RP1: variants seen among roughly 807,000 people sequenced by gnomAD.
RP1 encodes RP1 axonemal microtubule associated.
Under a neutral mutation model 14.8 loss-of-function variants are expected in RP1, and 16 were observed. That is an observed-to-expected ratio of 1.08 (90% CI 0.73 to 1.65). The LOEUF (loss-of-function observed/expected upper bound fraction) is 1.65, where lower values mean the gene tolerates loss of function less well. Ranked by LOEUF, RP1 falls within the 40% of genes most tolerant of loss-of-function variation. RP1 has a pLI of 0.00. For missense variants in RP1, 2,631 were observed against 2,535.0 expected, an observed-to-expected ratio of 1.04 and a Z score of -0.81; for synonymous variants, 876 against 883.6, an observed-to-expected ratio of 0.99 and a Z score of 0.15.
intron 12 of RP1, among the ~76,000 whole-genome samples, chr8:54,689,611 C>T (rs942912556): frequency 2.6e-5 from 4 of 152,100 alleles, no homozygotes; most frequent in Non-Finnish European, 5.9e-5. Flanking sequence ...GAGTCTCAGA[C>T]TCACTACACT....
upstream of RP1, among the ~76,000 whole-genome samples, chr8:54,612,407 T>C (rs1461710142): frequency 6.6e-6 from 1 of 152,214 alleles, no homozygotes; most frequent in Non-Finnish European, 1.5e-5. Flanking sequence ...CACTAATGGC[T>C]GAAATAAATG....
At chr8:54,757,685 C>A (rs915014847) in intron 21 of RP1, among the ~76,000 whole-genome samples, 1 of 152,224 alleles carries the variant, frequency 6.6e-6, no homozygotes, top group Non-Finnish European at 1.5e-5. Context: ...AAGCTATAAG[C>A]ACACTGAAAC....
At chr8:54,722,363 C>T (rs1479813954) in intron 16 of RP1, among the ~76,000 whole-genome samples, 1 of 151,646 alleles carries the variant, frequency 6.6e-6, no homozygotes, top group East Asian at 1.9e-4. Flanking sequence ...CTCCACCTCC[C>T]GGGTTCACGC....
chr8:54,585,881 T>C (rs1216964407), intron 1 of RP1, among the ~76,000 whole-genome samples: 6 of 152,232 alleles, frequency 3.9e-5, no homozygotes, highest in African/African-American at 1.4e-4. Flanking sequence ...CATTGGTTAT[T>C]CTAGTTAGCC....
At chr8:54,835,223 G>A (rs961043770) in intron 24 of RP1, among the ~76,000 whole-genome samples, 7 of 152,106 alleles carry the variant, frequency 4.6e-5, no homozygotes, top group Admixed American at 2.0e-4. Flanking sequence ...AAGTGACTCA[G>A]GTTGATGTAT....
chr8:54,818,937 T>C (rs1156825680), intron 24 of RP1, among the ~76,000 whole-genome samples: 1 of 152,018 alleles, frequency 6.6e-6, no homozygotes, highest in East Asian at 1.9e-4. Flanking sequence ...TCAGAATGCA[T>C]TGCTTACAGT....
downstream of RP1, among the ~76,000 whole-genome samples, chr8:54,635,798 C>A (rs896588523): frequency 6.6e-6 from 1 of 152,158 alleles, no homozygotes; most frequent in South Asian, 2.1e-4. Context: ...AATAGGTTCA[C>A]CCCTTCAGGA....
At position 54,621,355 on chromosome 8, in the gene RP1, G is replaced by T; in HGVS notation, c.389G>T (p.Ser130Ile). 1 of 1,611,752 alleles carries T rather than the reference G, an allele frequency of 6.2e-7. No individual in the cohort carries two copies. Among genetic ancestry groups the T allele is most frequent in the African/African-American group, 1.3e-5 (1 of 75,004 alleles). ...ARRRPRPWLS[S>I]RAISAHSPPH... Reference sequence around the variant, plus strand: ...CGGCGCCCGCGGCCCTGGCTCAGCAGCCGGGCCATTAGCGCGCACTCACCG... The same window carrying T: ...CGGCGCCCGCGGCCCTGGCTCAGCATCCGGGCCATTAGCGCGCACTCACCG... Residue 130 changes from serine to isoleucine, a missense_variant, in exon 2 of 4, where the codon AGC becomes ATC. By Grantham distance (142) the Ser-to-Ile change is moderately radical. Transcript: ENST00000220676.
In RP1 at chr8:54,701,559, TG is replaced by T; in HGVS notation, c.1897del (p.Val633PhefsTer14). 6.5e-7 allele frequency: 1 copy of T among 1,535,824 alleles called. No individual in the cohort carries two copies. Among genetic ancestry groups the T allele is most frequent in the Non-Finnish European group, 8.7e-7 (1 of 1,146,706 alleles). On this transcript the variant is annotated frameshift_variant, in exon 14 of 23. Coordinates refer to the RP1 transcript ENST00000636932. LOFTEE classifies it high-confidence loss of function. ...CGCTGTGCACTTCTTGAGTCGGCAC[TG>T]GTTCCTGGTCACACAGTTGTTTTTG...
chr8:54,630,197 C>G lies in RP1; in HGVS notation c.6315C>G (p.Leu2105=). 1 of 1,613,678 alleles carries G rather than the reference C, an allele frequency of 6.2e-7. No individual in the cohort carries two copies. Among genetic ancestry groups the G allele is most frequent in the Non-Finnish European group, 8.5e-7 (1 of 1,179,920 alleles). Residue 2105 remains leucine, a synonymous_variant, in exon 4 of 4, where the codon CTC becomes CTG. Coordinates refer to ENST00000220676, the MANE Select transcript of RP1 (RefSeq NM_006269.2). ...YFFEMLGQAC[L]LDICQVETSL... Reference sequence around the variant, plus strand: ...TTGAAATGCTTGGTCAAGCTTGCCTCTTAGATATTTGCCAAGTTGAGACCT... The same window carrying G: ...TTGAAATGCTTGGTCAAGCTTGCCTGTTAGATATTTGCCAAGTTGAGACCT...
At chr8:54,688,987 T>C (rs1807638980) in intron 12 of RP1, among the ~76,000 whole-genome samples, 1 of 152,186 alleles carries the variant, frequency 6.6e-6, no homozygotes, top group Non-Finnish European at 1.5e-5. Context: ...TTTTATTTCG[T>C]TGAGCAGTGG....
intron 15 of RP1, among the ~76,000 whole-genome samples, chr8:54,707,850 G>A (rs1022247664): frequency 1.3e-5 from 2 of 152,220 alleles, no homozygotes; most frequent in African/African-American, 4.8e-5. Flanking sequence ...CTACCCACAA[G>A]TGCATAATGA....
Position 54,689,027 on chromosome 8 carries a change from C to T in RP1, c.1717+9094C>T, listed in dbSNP as rs186355142. Among the ~76,000 whole-genome samples, 622 of 152,254 alleles carry T rather than the reference C, an allele frequency of 4.1e-3. 6 individuals carry two copies. The highest frequency in any genetic ancestry group is 0.014 in the African/African-American group (587 of 41,554). ...TAGTTCTTCTTGAAGAGGTCCTTGACATCCCTTGTAAGTTGGATTCCTAGG... is the reference window on the plus strand; with the variant it reads ...TAGTTCTTCTTGAAGAGGTCCTTGATATCCCTTGTAAGTTGGATTCCTAGG... On this transcript the variant is annotated intron_variant, in intron 12 of 22. Transcript: ENST00000636932.
downstream of RP1, among the ~76,000 whole-genome samples, chr8:54,633,124 T>C: frequency 6.6e-6 from 1 of 152,150 alleles, no homozygotes; most frequent in East Asian, 1.9e-4. Flanking sequence ...GAAAGCTGAA[T>C]GCCCAACTGT....
At chr8:54,750,451 T>C (rs904877624) in intron 19 of RP1, among the ~76,000 whole-genome samples, 1 of 152,236 alleles carries the variant, frequency 6.6e-6, no homozygotes, top group Non-Finnish European at 1.5e-5. Flanking sequence ...TTGGAAAATT[T>C]AGATGTTCTG....
chr8:54,586,010 C>T (rs1332537783), intron 1 of RP1, among the ~76,000 whole-genome samples: 1 of 152,238 alleles, frequency 6.6e-6, no homozygotes, highest in Non-Finnish European at 1.5e-5. Context: ...CAAAGTCATT[C>T]TCCGTCCAGC....
chr8:54,669,230 G>A (rs979677650), intron 7 of RP1, among the ~76,000 whole-genome samples: 9 of 151,910 alleles, frequency 5.9e-5, no homozygotes, highest in Admixed American at 4.6e-4. Flanking sequence ...ATGAACAGAC[G>A]CTTATCAAAA....
intron 3 of RP1, among the ~76,000 whole-genome samples, chr8:54,644,103 C>T (rs1806500317): frequency 6.6e-6 from 1 of 152,082 alleles, no homozygotes; most frequent in Admixed American, 6.6e-5. Context: ...CCTCTCCATT[C>T]ACAGATGTGT....
intron 17 of RP1, among the ~76,000 whole-genome samples, chr8:54,733,042 G>A (rs1808830101): frequency 6.6e-6 from 1 of 152,166 alleles, no homozygotes; most frequent in Non-Finnish European, 1.5e-5. Context: ...AATGTTAAGT[G>A]CTTAGGGTAG....
Sources: allele counts gnomAD v4.1 joint callset (sites outside exome capture counted in the v4.1 genomes callset), GRCh38; gene constraint gnomAD v4.1.1; transcripts MANE v1.5; gene names NCBI Gene and HGNC (gene_info 2026-07-23, HGNC 2026-07-21).